Variants in DGKH observed in about 807,000 individuals in gnomAD.
DGKH encodes diacylglycerol kinase eta.
DGKH carries 90 observed loss-of-function variants against 159.3 expected under a neutral mutation model. The ratio of observed to expected loss-of-function variants is 0.57; its 90% CI spans 0.48 to 0.67. The LOEUF (loss-of-function observed/expected upper bound fraction) is 0.67, where lower values mean the gene tolerates loss of function less well. Among genes scored for constraint, DGKH ranks in the 30% least tolerant of loss-of-function variants. The probability of loss-of-function intolerance (pLI) is 0.00; values close to 1 mark genes in which losing one functional copy is unlikely to be tolerated. For missense variants in DGKH, 1,181 were observed against 1,506.1 expected, an observed-to-expected ratio of 0.78 and a Z score of 3.57; for synonymous variants, 536 against 553.8, an observed-to-expected ratio of 0.97 and a Z score of 0.45.
rs1229565502 is a variant in DGKH, at chr13:42,238,592, C to G, written c.*9404C>G. 2.0e-5 allele frequency: 3 copies of G among 152,144 alleles called. No individual in the cohort carries two copies. Among genetic ancestry groups the G allele is most frequent in the South Asian group, 2.1e-4 (1 of 4,834 alleles). The allele number at this position is 152,144 out of a possible 1,614,324, so 9.4% of individuals were successfully genotyped here. A position where few individuals can be genotyped will look rare whatever the true frequency, so the allele number is the denominator to read the frequency against. ...GATGGAGTATGTGATGTTCCTTTCT[C>G]TGTACTGAGTTCTGAATGTTTAATC... On this transcript the variant is annotated 3_prime_UTR_variant, in exon 30 of 30. Transcript: ENST00000337343.
At chr13:42,216,393 T>C (rs1957795522) in intron 26 of DGKH, among the ~76,000 whole-genome samples, 1 of 152,234 alleles carries the variant, frequency 6.6e-6, no homozygotes, top group African/African-American at 2.4e-5. Context: ...TTTTTATTCC[T>C]TTTTATAATT....
At chr13:42,065,223 G>A (rs373948805) in intron 1 of DGKH, among the ~76,000 whole-genome samples, 20 of 152,272 alleles carry the variant, frequency 1.3e-4, no homozygotes, top group African/African-American at 4.6e-4. Context: ...GGACAAGCCA[G>A]AAACCAGAAC....
At chr13:42,106,436 C>T (rs1054302851) in intron 1 of DGKH, among the ~76,000 whole-genome samples, 2 of 152,154 alleles carry the variant, frequency 1.3e-5, no homozygotes, top group Admixed American at 6.5e-5. Flanking sequence ...ACGACTGCAC[C>T]GTGTGCAGAG....
At chr13:42,116,846 G>A (rs1954977370) in intron 1 of DGKH, among the ~76,000 whole-genome samples, 1 of 152,156 alleles carries the variant, frequency 6.6e-6, no homozygotes, top group South Asian at 2.1e-4. Context: ...TTAAGACATT[G>A]GACTAAAAAC....
intron 29 of DGKH, among the ~76,000 whole-genome samples, chr13:42,225,757 ATT>A (rs1958109879): frequency 7.1e-6 from 1 of 140,392 alleles, no homozygotes; most frequent in Admixed American, 7.5e-5. Context: ...TGAGTGACAG[ATT>A]GAGACTCTGT....
At chr13:42,097,078 C>T (rs998394058) in intron 1 of DGKH, among the ~76,000 whole-genome samples, 10 of 152,170 alleles carry the variant, frequency 6.6e-5, no homozygotes, top group Admixed American at 4.6e-4. Flanking sequence ...CCTTTCCCTC[C>T]GGGGCTTTCA....
chr13:42,136,804 A>C (rs1235095577), intron 3 of DGKH, among the ~76,000 whole-genome samples: 1 of 152,176 alleles, frequency 6.6e-6, no homozygotes, highest in African/African-American at 2.4e-5. Context: ...ATTTAGAACT[A>C]AATGATCACT....
rs7334821 is a variant in DGKH, at chr13:42,240,179, G to A, written c.*10991G>A. ...TTTGAATGAAGGTAATAGAAAACCC[G>A]AACTTCTCTATATTTGTGTACTTTC... On this transcript the variant is annotated 3_prime_UTR_variant, in exon 30 of 30. Transcript: ENST00000337343. 63,720 of 151,890 alleles carry A rather than the reference G, an allele frequency of 0.42. 13,663 individuals are homozygous for A. Among genetic ancestry groups the A allele is most frequent in the African/African-American group, 0.52 (21,411 of 41,434 alleles). The allele number at this position is 151,890 out of a possible 1,614,324, so 9.4% of individuals were successfully genotyped here.
intron 1 of DGKH, among the ~76,000 whole-genome samples, chr13:42,125,843 A>G (rs117403326): frequency 0.028 from 4,200 of 152,328 alleles, 98 homozygotes; most frequent in Non-Finnish European, 0.042. Flanking sequence ...CCATTTATTC[A>G]TATAGATCTC....
At chr13:42,181,575 C>G in intron 13 of DGKH, 1 of 274,016 alleles carries the variant, frequency 3.6e-6, no homozygotes, top group Non-Finnish European at 7.9e-6. Flanking sequence ...CTGTCTTATA[C>G]AAGCAAGGCT....
intron 1 of DGKH, among the ~76,000 whole-genome samples, chr13:42,103,393 T>C (rs959795688): frequency 4.6e-5 from 7 of 151,742 alleles, no homozygotes; most frequent in African/African-American, 1.4e-4. Flanking sequence ...TGAGGACTCT[T>C]GTTGTATTTT....
At chr13:42,103,501 CAA>C (rs946854070) in intron 1 of DGKH, among the ~76,000 whole-genome samples, 7 of 152,296 alleles carry the variant, frequency 4.6e-5, no homozygotes, top group Non-Finnish European at 8.8e-5. Flanking sequence ...CTGCGATTCC[CAA>C]GTCCCTGCTC....
chr13:42,189,126 C>A lies in DGKH; in HGVS notation c.1729C>A (p.Leu577Ile). 6.2e-7 allele frequency: 1 copy of A among 1,614,254 alleles called. No individual in the cohort carries two copies. The highest frequency in any genetic ancestry group is 8.5e-7 in the Non-Finnish European group (1 of 1,180,040). ...GCCTGTTCTCCCTGGCCTCAGCCCT[C>A]TCATTGTGGAAGAAGATGCTGTGGA... ...AAPVLPGLSP[L>I]IVEEDAVESS... Residue 577 changes from leucine (L) to isoleucine (I), a missense_variant, in exon 15 of 30, where the codon CTC becomes ATC. Transcript: ENST00000337343.
rs1291143905 is a variant in DGKH, at chr13:42,232,386, G to C, written c.*3198G>C. 6.6e-6 allele frequency: 1 copy of C among 152,164 alleles called. No homozygotes were observed. Among genetic ancestry groups the C allele is most frequent in the East Asian group, 1.9e-4 (1 of 5,198 alleles). The allele number at this position is 152,164 out of a possible 1,614,324, so 9.4% of individuals were successfully genotyped here. ...TGAGGAAGAACTTGCTTTTAAAGGA[G>C]GAAAGGGACAGAATCAGACCTAAAT... On this transcript the variant is annotated 3_prime_UTR_variant, in exon 30 of 30. Coordinates refer to ENST00000337343, the MANE Select transcript of DGKH (RefSeq NM_178009.5).
Position 42,048,820 on chromosome 13 carries a change from G to C in DGKH, c.47G>C (p.Gly16Ala). ...CACCACCCTCCGGGCGCCGCTGGAG[G>C]AGCGGCCGCCGGAGCCGGCGCCGCG... ...GQHHPPGAAG[G>A]AAAGAGAAVT... The change falls in exon 1 of 30, where the codon GGA becomes GCA. Residue 16 changes from glycine to alanine, a missense_variant. Around this residue, in one of 5 missense-constraint regions of DGKH, gnomAD observed 136 missense variants for 132.2 expected, o/e 1.03. Coordinates refer to ENST00000337343, the MANE Select transcript of DGKH (RefSeq NM_178009.5). This position sits in a 1 kb window ranked among gnomAD's most constrained non-coding sequence, Gnocchi z 6.7. 1 of 1,332,670 alleles carries C rather than the reference G, an allele frequency of 7.5e-7. No homozygotes were observed. The highest frequency in any genetic ancestry group is 4.1e-5 in the Admixed American group (1 of 24,418). 82.6% of individuals were successfully genotyped at this position (1,332,670 alleles called of 1,614,324 possible).
intron 3 of DGKH, among the ~76,000 whole-genome samples, chr13:42,151,263 C>A (rs532275122): frequency 6.6e-6 from 1 of 152,034 alleles, no homozygotes; most frequent in South Asian, 2.1e-4. Context: ...AGTAATTTAT[C>A]ATCAGTCACC....
chr13:42,188,395 C>T (rs932650837), intron 14 of DGKH, among the ~76,000 whole-genome samples: 3 of 152,130 alleles, frequency 2.0e-5, no homozygotes, highest in South Asian at 2.1e-4. Context: ...TCTTCTTTTC[C>T]CTCCTTATCC....
At chr13:42,080,454 T>C (rs1954178315) in intron 1 of DGKH, among the ~76,000 whole-genome samples, 1 of 152,214 alleles carries the variant, frequency 6.6e-6, no homozygotes, top group Non-Finnish European at 1.5e-5. Context: ...AGCTCATACC[T>C]AGGCCGTATT....
intron 7 of DGKH, among the ~76,000 whole-genome samples, chr13:42,160,480 G>T (rs1294082077): frequency 2.0e-5 from 3 of 152,178 alleles, no homozygotes; most frequent in Non-Finnish European, 4.4e-5. Flanking sequence ...ACCAAATTTT[G>T]GTTGACATGT....
Sources: allele counts gnomAD v4.1 joint callset (sites outside exome capture counted in the v4.1 genomes callset), GRCh38; gene constraint gnomAD v4.1.1; regional missense constraint gnomAD v4.1.1; non-coding constraint Gnocchi (gnomAD v3.1); transcripts MANE v1.5; gene names NCBI Gene and HGNC (gene_info 2026-07-23, HGNC 2026-07-21).